The following AMBRA1 variants were observed in gnomAD, a reference collection of about 807,000 sequenced individuals.
AMBRA1 encodes activating molecule in BECN1-regulated autophagy protein 1.
Under a neutral mutation model 125.4 loss-of-function variants are expected in AMBRA1, and 47 were observed. The observed-to-expected ratio is 0.37, with a 90% CI of 0.30 to 0.48. The LOEUF is 0.48. AMBRA1 is among the 20% of genes least tolerant of loss of function. AMBRA1 has a pLI of 0.99. For synonymous variants in AMBRA1, 626 were observed against 655.5 expected, an observed-to-expected ratio of 0.95 and a Z score of 0.69; for missense variants, 1,331 against 1,693.4, an observed-to-expected ratio of 0.79 and a Z score of 3.76.
At chr11:46,410,515 C>CT in intron 15 of AMBRA1, 147 bp from the exon 16 acceptor site, 1 of 684,202 alleles carries the variant, frequency 1.5e-6, no homozygotes, top group East Asian at 2.7e-5. Context: ...ACCAGAGCTG[C>CT]TGCCTCATCA....
At chr11:46,522,243 C>T (rs1007895833) in intron 7 of AMBRA1, among the ~76,000 whole-genome samples, 2 of 152,190 alleles carry the variant, frequency 1.3e-5, no homozygotes, top group African/African-American at 4.8e-5. Context: ...ATTTTTAATA[C>T]ATTTGTAAGA....
At chr11:46,582,626 C>T (rs1156713533) in intron 1 of AMBRA1, among the ~76,000 whole-genome samples, 2 of 152,070 alleles carry the variant, frequency 1.3e-5, no homozygotes, top group Non-Finnish European at 2.9e-5. Context: ...TGTTTGGACG[C>T]GAATCCTGGT....
In AMBRA1 at chr11:46,454,379, A is replaced by C. The variant is rs182551002; in HGVS notation, c.2522-10781T>G. ...CAGCTTCATAAAAAAATTTTCTCAA[A>C]ACAACAATTCAAACCAGGATTACAT... On this transcript the variant is annotated intron_variant, in intron 11 of 17. Transcript: ENST00000683756. 2.7e-3 allele frequency among the ~76,000 whole-genome samples: 416 copies of C among 151,830 alleles called. 3 individuals carry two copies. The highest frequency in any genetic ancestry group is 9.6e-3 in the African/African-American group (399 of 41,418).
At chr11:46,545,583 C>T (rs761335335) in intron 5 of AMBRA1, 21 bp downstream of exon 5, 1 of 1,610,512 alleles carries the variant, frequency 6.2e-7, no homozygotes, top group East Asian at 2.2e-5. Flanking sequence ...CCAGACAATG[C>T]AGATGGGGCA....
At chr11:46,584,441 T>A (rs1339985344) in intron 1 of AMBRA1, among the ~76,000 whole-genome samples, 1 of 149,972 alleles carries the variant, frequency 6.7e-6, no homozygotes, top group East Asian at 2.0e-4. Context: ...AGTTAGTGGG[T>A]GCAGCACACC....
intron 1 of AMBRA1, among the ~76,000 whole-genome samples, chr11:46,560,636 T>C (rs1591124962): frequency 6.6e-6 from 1 of 152,144 alleles, no homozygotes; most frequent in African/African-American, 2.4e-5. Flanking sequence ...AACAGTGTGC[T>C]GAGAACACAA....
At chr11:46,493,799 C>T in intron 10 of AMBRA1, 91 bp from the exon 11 acceptor site, 1 of 930,340 alleles carries the variant, frequency 1.1e-6, no homozygotes, top group Non-Finnish European at 1.6e-6. Context: ...GGCTAAGGGA[C>T]CCACTGAATC....
At chr11:46,424,433 C>T (rs1947013579) in intron 14 of AMBRA1, among the ~76,000 whole-genome samples, 1 of 152,104 alleles carries the variant, frequency 6.6e-6, no homozygotes, top group Non-Finnish European at 1.5e-5. Context: ...TTCAATTGGC[C>T]CGCTGCTTTC....
chr11:46,498,471 G>C (rs377534311), intron 9 of AMBRA1, among the ~76,000 whole-genome samples: 1 of 152,026 alleles, frequency 6.6e-6, no homozygotes, highest in Non-Finnish European at 1.5e-5. Flanking sequence ...GGAAGGAGTA[G>C]GGGGAAAAAT....
In AMBRA1 at chr11:46,428,766, G is replaced by C; in HGVS notation, c.2976+4708C>G. ...TCGGCACCAGGTGGCACAGCACTCC[G>C]TCTGTAGGTATCTCTGTCAGCTTCC... is the stretch of plus-strand genomic sequence containing the variant. On this transcript the variant is annotated intron_variant, in intron 14 of 17. Coordinates refer to ENST00000683756, the MANE Select transcript of AMBRA1 (RefSeq NM_001387011.1). The C allele has an allele frequency of 2.5e-6, 4 of 1,610,850 alleles. No individual in the cohort carries two copies. The Admixed American group carries it at 6.7e-5, about 27-fold the overall frequency.
chr11:46,591,834 G>C (rs2044608063), intron 1 of AMBRA1, among the ~76,000 whole-genome samples: 3 of 151,738 alleles, frequency 2.0e-5, no homozygotes, highest in Admixed American at 2.0e-4. Flanking sequence ...TCCAGCCTGG[G>C]GGACAAAGCA....
chr11:46,571,596 G>A (rs1157843172), intron 1 of AMBRA1, among the ~76,000 whole-genome samples: 1 of 151,112 alleles, frequency 6.6e-6, no homozygotes, highest in African/African-American at 2.4e-5. Context: ...GACCACTTTA[G>A]CCTGGAAGGT....
chr11:46,559,983 TA>T (rs1230948628), intron 1 of AMBRA1, among the ~76,000 whole-genome samples: 2 of 152,202 alleles, frequency 1.3e-5, no homozygotes, highest in African/African-American at 4.8e-5. Flanking sequence ...GAGTATGTGA[TA>T]AACAGAAGTT....
intron 11 of AMBRA1, among the ~76,000 whole-genome samples, chr11:46,488,155 T>C (rs566163392): frequency 6.7e-4 from 102 of 152,270 alleles, no homozygotes; most frequent in Non-Finnish European, 1.3e-3. Flanking sequence ...AATACATTAA[T>C]CAAAAATTGA....
At chr11:46,498,127 G>C (rs553842475) in intron 9 of AMBRA1, among the ~76,000 whole-genome samples, 1 of 152,272 alleles carries the variant, frequency 6.6e-6, no homozygotes, top group South Asian at 2.1e-4. Flanking sequence ...TGAGTGAATT[G>C]GAAGATATTT....
At chr11:46,410,156 G>T (rs960936614) in intron 16 of AMBRA1, 120 bp downstream of exon 16, 3 of 825,630 alleles carry the variant, frequency 3.6e-6, no homozygotes, top group Admixed American at 3.7e-5. Flanking sequence ...GATCAAGGAG[G>T]TGCTGCTCTG....
At chr11:46,493,414 A>T (rs989011659) in intron 11 of AMBRA1, among the ~76,000 whole-genome samples, 194 bp downstream of exon 11, 1 of 152,232 alleles carries the variant, frequency 6.6e-6, no homozygotes, top group South Asian at 2.1e-4. Flanking sequence ...GGAATAGGGT[A>T]AGAGAAACAT....
At chr11:46,529,111 T>C (rs970203830) in intron 7 of AMBRA1, among the ~76,000 whole-genome samples, 1 of 152,218 alleles carries the variant, frequency 6.6e-6, no homozygotes, top group Admixed American at 6.5e-5. Context: ...ACCCAAGTCA[T>C]GCAGGCTTTT....
intron 1 of AMBRA1, among the ~76,000 whole-genome samples, chr11:46,576,517 T>G (rs1443021491): frequency 6.6e-6 from 1 of 152,194 alleles, no homozygotes; most frequent in Non-Finnish European, 1.5e-5. Flanking sequence ...CCCTCATTTC[T>G]AAACAAGCTC....
Sources: gnomAD v4.1 joint callset for allele counts (sites outside exome capture counted in the v4.1 genomes callset) on GRCh38, gnomAD v4.1.1 for gene constraint, MANE v1.5 for transcripts, NCBI Gene and HGNC (gene_info 2026-07-23, HGNC 2026-07-21) for gene names.